Variants in DCHS2 observed in about 807,000 individuals in gnomAD.
DCHS2 encodes dachsous cadherin-related 2.
A neutral mutation model predicts 182.4 loss-of-function variants in DCHS2; 142 were observed. That is an observed-to-expected ratio of 0.78 (90% CI 0.68 to 0.89). DCHS2 has a LOEUF of 0.89. Ranked by LOEUF, DCHS2 falls within the 40% of genes least tolerant of loss-of-function variation. The probability of loss-of-function intolerance (pLI) is 0.00; values close to 1 mark genes in which losing one functional copy is unlikely to be tolerated. For synonymous variants in DCHS2, 1,740 were observed against 1,663.3 expected (o/e 1.05, Z -1.12); for missense variants, 4,319 against 4,198.6 (o/e 1.03, Z -0.79).
chr4:154,250,882 G>A lies in DCHS2; in HGVS notation c.6941+4637C>T, dbSNP rs142117502. On this transcript the variant is annotated intron_variant, in intron 16 of 19. Transcript: ENST00000357232. The stretch of plus-strand genomic sequence containing the variant: ...CAGAATAATGTTTAGTTTCCACTAC[G>A]AGACACAGAAAGTCTTTCAAAACTT... Among the ~76,000 whole-genome samples, 287 of 152,258 alleles carry A rather than the reference G, an allele frequency of 1.9e-3. 2 individuals are homozygous for A. The highest frequency in any genetic ancestry group is 6.6e-3 in the African/African-American group (274 of 41,548).
chr4:154,379,581 C>A (rs1473403015), intron 1 of DCHS2, among the ~76,000 whole-genome samples: 1 of 152,158 alleles, frequency 6.6e-6, no homozygotes, highest in African/African-American at 2.4e-5. Context: ...GAAAGTAATT[C>A]TGGCTGTCTT....
chr4:154,299,667 G>T (rs190172393), intron 12 of DCHS2, among the ~76,000 whole-genome samples: 2 of 152,196 alleles, frequency 1.3e-5, no homozygotes, highest in African/African-American at 2.4e-5. Flanking sequence ...ACCAAAAGTA[G>T]AGATGATTGG....
At chr4:154,487,149 A>G (rs959025491) in intron 1 of DCHS2, among the ~76,000 whole-genome samples, 2 of 152,216 alleles carry the variant, frequency 1.3e-5, no homozygotes, top group East Asian at 3.8e-4. Context: ...TCATACCAAG[A>G]TCTTCAGGGA....
rs1239584863 is a variant in DCHS2 at position 154,490,064 on chromosome 4, CG to C, written c.1291del (p.Arg431AspfsTer89). 1 of 1,549,242 alleles carries C rather than the reference CG, an allele frequency of 6.5e-7. No individual in the cohort carries two copies. The highest frequency in any genetic ancestry group is 2.0e-5 in the Admixed American group (1 of 50,984). ...GGVARVSEGA[R>X]PGDYVARVSV... ...GACGCGAGCCACGTAGTCGCCCGGTCGGGCGCCTTCAGAGACACGGGCGACG... is the reference window on the plus strand; with the variant it reads ...GACGCGAGCCACGTAGTCGCCCGGTCGGCGCCTTCAGAGACACGGGCGACG... On this transcript the variant is annotated frameshift_variant, in exon 1 of 20. Transcript: ENST00000357232. LOFTEE classifies it high-confidence loss of function.
intron 3 of DCHS2, among the ~76,000 whole-genome samples, chr4:154,345,883 C>G (rs1334351631): frequency 6.6e-6 from 1 of 152,316 alleles, no homozygotes; most frequent in Non-Finnish European, 1.5e-5. Context: ...ATGTCTTAGT[C>G]AGTTTGGCTG....
intron 1 of DCHS2, among the ~76,000 whole-genome samples, chr4:154,423,543 CA>C (rs1317765386): frequency 1.3e-5 from 2 of 152,090 alleles, no homozygotes; most frequent in Non-Finnish European, 2.9e-5. Flanking sequence ...ACTAACAAAT[CA>C]AAAAAGTGAA....
chr4:154,288,188 C>T (rs1207656493), intron 13 of DCHS2, among the ~76,000 whole-genome samples: 1 of 152,056 alleles, frequency 6.6e-6, no homozygotes, highest in Non-Finnish European at 1.5e-5. Context: ...AAACACACCT[C>T]ACCTATGAAG....
At position 154,438,051 on chromosome 4, in the gene DCHS2, C is replaced by G. The variant is rs73854766; in HGVS notation, c.2052+51253G>C. On this transcript the variant is annotated intron_variant, in intron 1 of 19. Coordinates refer to ENST00000357232, the MANE Select transcript of DCHS2 (RefSeq NM_001358235.2). ...TAAAAATAAATAAATGAAATTACTC[C>G]TCTCAGTCCCCCTGTATACTTCCTC... Among the ~76,000 whole-genome samples, 705 of 152,208 alleles carry G rather than the reference C, an allele frequency of 4.6e-3. 7 individuals are homozygous for G. The highest frequency in any genetic ancestry group is 0.016 in the African/African-American group (667 of 41,538).
chr4:154,316,807 G>T (rs1220878619), intron 9 of DCHS2, among the ~76,000 whole-genome samples: 1 of 151,946 alleles, frequency 6.6e-6, no homozygotes. Flanking sequence ...AAAAAGCAAA[G>T]ATGTTATAAC....
chr4:154,419,294 G>T (rs1379901536), intron 1 of DCHS2, among the ~76,000 whole-genome samples: 4 of 152,144 alleles, frequency 2.6e-5, no homozygotes, highest in African/African-American at 9.7e-5. Context: ...TTATAAGCAG[G>T]TTTTTCACCT....
At chr4:154,484,762 A>G (rs879333533) in intron 1 of DCHS2, among the ~76,000 whole-genome samples, 2 of 152,208 alleles carry the variant, frequency 1.3e-5, no homozygotes, top group African/African-American at 2.4e-5. Context: ...GGGACCATTA[A>G]TAGACATCTG....
chr4:154,465,014 A>G (rs1425869676), intron 1 of DCHS2, among the ~76,000 whole-genome samples: 2 of 152,236 alleles, frequency 1.3e-5, no homozygotes. Context: ...ATACTGTTAA[A>G]AAGAGATCAT....
intron 1 of DCHS2, among the ~76,000 whole-genome samples, chr4:154,478,406 G>A (rs950510851): frequency 4.6e-5 from 7 of 152,296 alleles, no homozygotes; most frequent in African/African-American, 1.7e-4. Flanking sequence ...CCTTCTAGGG[G>A]TGAGTAAAAG....
At chr4:154,336,314 A>T (rs1379398867) in intron 3 of DCHS2, among the ~76,000 whole-genome samples, 1 of 152,238 alleles carries the variant, frequency 6.6e-6, no homozygotes, top group Admixed American at 6.5e-5. Flanking sequence ...CACTTAGTGT[A>T]CTAGTTTAAA....
In DCHS2 at chr4:154,399,122, T is replaced by G. The variant is rs4475132; in HGVS notation, c.2053-21678A>C. ...TCATGATATCTGTCTTCTGGGAGAATTGGAAACAGAAACTGAGCTGTAAAT... is the reference window on the plus strand; with the variant it reads ...TCATGATATCTGTCTTCTGGGAGAAGTGGAAACAGAAACTGAGCTGTAAAT... On this transcript the variant is annotated intron_variant, in intron 1 of 19. Coordinates refer to ENST00000357232, the MANE Select transcript of DCHS2 (RefSeq NM_001358235.2). Among the ~76,000 whole-genome samples, 12 of 152,252 alleles carry G rather than the reference T, an allele frequency of 7.9e-5. No individual in the cohort carries two copies. In the East Asian group the frequency reaches 2.1e-3, roughly 27 times the overall value.
chr4:154,377,247 A>T lies in DCHS2; in HGVS notation c.2244+6T>A, dbSNP rs936973959. The T allele has an allele frequency of 6.2e-6, 10 of 1,612,482 alleles. No individual in the cohort carries two copies. The highest frequency in any genetic ancestry group is 1.7e-4 in the Middle Eastern group (1 of 6,016). ...TTTAAAATAAACTTCATACATAAAA[A>T]CTTACCCCATCCTTAGCTTCCACCA... On this transcript the variant is annotated splice_donor_region_variant and intron_variant, in intron 2 of 19. Transcript: ENST00000357232.
chr4:154,289,095 A>G (rs908794297), intron 13 of DCHS2, among the ~76,000 whole-genome samples: 11 of 152,044 alleles, frequency 7.2e-5, no homozygotes, highest in Non-Finnish European at 1.5e-5. Context: ...AAAGATCAGA[A>G]CAGAAATAAA....
rs1731490934 is a variant in DCHS2 at position 154,236,201 on chromosome 4, T to C, written c.8451A>G (p.Gly2817=). Reference sequence around the variant, plus strand: ...GGAAGAGATCATGATCATAAGACATTCCATGAGTGAGAAAACAGGGTGATA... The same window carrying C: ...GGAAGAGATCATGATCATAAGACATCCCATGAGTGAGAAAACAGGGTGATA... ...SIVSPCFLTH[G]MSYDHDLFLI... The change falls in exon 20 of 20, where the codon GGA becomes GGG. Residue 2817 remains glycine, a synonymous_variant. Transcript: ENST00000357232. 2 of 1,613,906 alleles carry C rather than the reference T, an allele frequency of 1.2e-6. No individual in the cohort carries two copies. The highest frequency in any genetic ancestry group is 1.3e-5 in the African/African-American group (1 of 75,012).
intron 1 of DCHS2, among the ~76,000 whole-genome samples, chr4:154,484,634 T>C (rs1325479816): frequency 6.6e-5 from 10 of 152,244 alleles, no homozygotes; most frequent in Non-Finnish European, 1.5e-4. Context: ...TTTAATTCAG[T>C]AAGATTAAAA....
Sources: gnomAD v4.1 joint callset for allele counts (sites outside exome capture counted in the v4.1 genomes callset) on GRCh38, gnomAD v4.1.1 for gene constraint, MANE v1.5 for transcripts, NCBI Gene and HGNC (gene_info 2026-07-23, HGNC 2026-07-21) for gene names.